The following SESN1 variants were observed in gnomAD, a reference collection of about 807,000 sequenced individuals.
SESN1 encodes the protein sestrin 1, also known as sestrin-1.
SESN1 carries 30 observed loss-of-function variants against 59.3 expected under a neutral mutation model. That is an observed-to-expected ratio of 0.51 (90% CI 0.38 to 0.69). The LOEUF (loss-of-function observed/expected upper bound fraction) is 0.69. Ranked by LOEUF, SESN1 falls within the 30% of genes least tolerant of loss-of-function variation. The pLI is 0.00. For missense variants in SESN1, 566 were observed against 673.0 expected, an observed-to-expected ratio of 0.84 and a Z score of 1.76; for synonymous variants, 197 against 219.9, an observed-to-expected ratio of 0.90 and a Z score of 0.92.
At chr6:109,040,261 A>T (rs1164432578) in intron 1 of SESN1, among the ~76,000 whole-genome samples, 1 of 152,176 alleles carries the variant, frequency 6.6e-6, no homozygotes. Flanking sequence ...CCTCTCCTTT[A>T]TATGACATTC....
Position 109,094,289 on chromosome 6 carries a change from CTTCT to C in SESN1, c.-220_-217del. 1 of 555,754 alleles carries C rather than the reference CTTCT, an allele frequency of 1.8e-6. No homozygotes were observed. Among genetic ancestry groups the C allele is most frequent in the Non-Finnish European group, 3.2e-6 (1 of 317,398 alleles). 34.4% of individuals were successfully genotyped at this position (555,754 alleles called of 1,614,324 possible). On this transcript the variant is annotated 5_prime_UTR_variant, in exon 1 of 10. Transcript: ENST00000436639. ...CTCTCCTTGTACACGAAAGGGCAGT[CTTCT>C]TTCTGGAAAAACAAAGTTTGAAAGT...
Position 108,987,277 on chromosome 6 carries a change from A to G in SESN1, c.*267T>C, listed in dbSNP as rs1178950566. On this transcript the variant is annotated 3_prime_UTR_variant, in exon 10 of 10. Coordinates refer to ENST00000436639, the MANE Select transcript of SESN1 (RefSeq NM_014454.3). ...TGGAGAGTTACTATTTGCTGTATTA[A>G]AACAGTTACACAGCATCTTGTACTG... 3.0e-6 allele frequency: 1 copy of G among 338,622 alleles called. No individual in the cohort carries two copies. The highest frequency in any genetic ancestry group is 4.6e-5 in the East Asian group (1 of 21,616). The allele number at this position is 338,622 out of a possible 1,614,324, so 21.0% of individuals were successfully genotyped here. A position where few individuals can be genotyped will look rare whatever the true frequency, so the allele number is the denominator to read the frequency against.
chr6:109,036,979 A>G (rs910210929), intron 1 of SESN1, among the ~76,000 whole-genome samples: 2 of 152,236 alleles, frequency 1.3e-5, no homozygotes, highest in African/African-American at 4.8e-5. Context: ...TCAGCACCTC[A>G]GTTAGGAAAC....
chr6:109,030,386 C>A (rs1486573624), intron 1 of SESN1, among the ~76,000 whole-genome samples: 1 of 152,130 alleles, frequency 6.6e-6, no homozygotes, highest in Non-Finnish European at 1.5e-5. Flanking sequence ...GTGTAGATTG[C>A]TAGTAGTAAG....
At chr6:109,054,634 A>T (rs1780599468) in intron 1 of SESN1, among the ~76,000 whole-genome samples, 1 of 152,172 alleles carries the variant, frequency 6.6e-6, no homozygotes, top group South Asian at 2.1e-4. Flanking sequence ...CTCTCAAAAA[A>T]TTTCTTCTGT....
At chr6:109,019,210 C>A (rs1260951689) in intron 1 of SESN1, among the ~76,000 whole-genome samples, 5 of 152,160 alleles carry the variant, frequency 3.3e-5, no homozygotes, top group Admixed American at 2.6e-4. Context: ...CACAAACACA[C>A]ACACAGACAC....
In SESN1 at chr6:109,094,233, G is replaced by T; in HGVS notation, c.-160C>A. On this transcript the variant is annotated 5_prime_UTR_variant, in exon 1 of 10. The change creates a new upstream start codon in the 5' untranslated region. Coordinates refer to ENST00000436639, the MANE Select transcript of SESN1 (RefSeq NM_014454.3). ...ACATTTGGAACCACTGGTGCCTTCAGCCGATCTACAAGCTAGGTCACCCTC... is the reference window on the plus strand; with the variant it reads ...ACATTTGGAACCACTGGTGCCTTCATCCGATCTACAAGCTAGGTCACCCTC... The T allele has an allele frequency of 1.4e-6, 1 of 723,670 alleles. No individual in the cohort carries two copies. Among genetic ancestry groups the T allele is most frequent in the South Asian group, 1.9e-5 (1 of 53,130 alleles). 44.8% of individuals were successfully genotyped at this position (723,670 alleles called of 1,614,324 possible). A position where few individuals can be genotyped will look rare whatever the true frequency, so the allele number is the denominator to read the frequency against.
At position 108,985,099 on chromosome 6, in the gene SESN1, C is replaced by T. The variant is rs1348635558; in HGVS notation, c.*2445G>A. 6.6e-6 allele frequency among the ~76,000 whole-genome samples: 1 copy of T among 152,130 alleles called. No homozygotes were observed. Among genetic ancestry groups the T allele is most frequent in the African/African-American group, 2.4e-5 (1 of 41,414 alleles). On this transcript the variant is annotated 3_prime_UTR_variant, in exon 10 of 10. Transcript: ENST00000436639. ...ATATACAAATATGCTAGTAACATTTCTGATTCATGTATGATATTCACATAT... is the reference window on the plus strand; with the variant it reads ...ATATACAAATATGCTAGTAACATTTTTGATTCATGTATGATATTCACATAT...
At chr6:109,006,825 G>T (rs748712733) in intron 1 of SESN1, among the ~76,000 whole-genome samples, 1 of 152,164 alleles carries the variant, frequency 6.6e-6, no homozygotes. Context: ...TCAATGGGGT[G>T]ATCATAAGCC....
At chr6:109,013,889 G>A (rs1401457617) in intron 1 of SESN1, among the ~76,000 whole-genome samples, 2 of 151,922 alleles carry the variant, frequency 1.3e-5, no homozygotes, top group Non-Finnish European at 2.9e-5. Flanking sequence ...ATATCTTCCT[G>A]TTTTTATCTA....
intron 8 of SESN1, among the ~76,000 whole-genome samples, chr6:108,989,295 G>A (rs1208019224): frequency 6.6e-6 from 1 of 152,106 alleles, no homozygotes. Context: ...GAGCCACCGC[G>A]CCTGGCTGAA....
rs1779172218 is a variant in SESN1, at chr6:108,985,911, C to T, written c.*1633G>A. ...GAAGATAATAATACTCTATTCCTAG[C>T]TAAGGTTATAGTCTTGTCTTCTCAT... On this transcript the variant is annotated 3_prime_UTR_variant, in exon 10 of 10. Transcript: ENST00000436639. Among the ~76,000 whole-genome samples, 1 of 152,134 alleles carries T rather than the reference C, an allele frequency of 6.6e-6. No individual in the cohort carries two copies. The highest frequency in any genetic ancestry group is 1.5e-5 in the Non-Finnish European group (1 of 68,022).
At chr6:108,990,954 C>T (rs1779365205) in intron 7 of SESN1, 119 bp from the exon 8 acceptor site, 1 of 765,092 alleles carries the variant, frequency 1.3e-6, no homozygotes, top group African/African-American at 1.8e-5. Flanking sequence ...TGGCTTTTAT[C>T]CCTAACTCCC....
chr6:109,044,135 G>T (rs760584501), intron 1 of SESN1, among the ~76,000 whole-genome samples: 10 of 151,314 alleles, frequency 6.6e-5, no homozygotes, highest in Non-Finnish European at 1.3e-4. Context: ...AGCAACACAG[G>T]GAGACTCCAC....
chr6:109,070,690 T>TA (rs768356585), intron 1 of SESN1, among the ~76,000 whole-genome samples: 1 of 152,240 alleles, frequency 6.6e-6, no homozygotes, highest in African/African-American at 2.4e-5. Flanking sequence ...TCTGAAAATG[T>TA]AATCTCCAAC....
At chr6:108,997,616 T>C (rs1779525552) in intron 5 of SESN1, among the ~76,000 whole-genome samples, 1 of 152,192 alleles carries the variant, frequency 6.6e-6, no homozygotes, top group Non-Finnish European at 1.5e-5. Flanking sequence ...ACAATAACTT[T>C]GTGTTTTACT....
intron 8 of SESN1, 77 bp from the exon 9 acceptor site, chr6:108,988,764 A>G (rs1353582791): frequency 8.5e-7 from 1 of 1,170,582 alleles, no homozygotes; most frequent in Non-Finnish European, 1.2e-6. Context: ...ATACACATCA[A>G]TAGTTAATAC....
intron 1 of SESN1, among the ~76,000 whole-genome samples, chr6:109,074,434 T>C (rs1220192075): frequency 6.6e-6 from 1 of 152,208 alleles, no homozygotes; most frequent in East Asian, 1.9e-4. Flanking sequence ...TCAAGAGCTT[T>C]CTCTGTCATT....
intron 1 of SESN1, among the ~76,000 whole-genome samples, chr6:109,059,887 G>A (rs1780703034): frequency 2.0e-5 from 3 of 152,052 alleles, no homozygotes; most frequent in South Asian, 4.2e-4. Context: ...TCCACTCACA[G>A]GAAGACAGGC....
Sources: gnomAD v4.1 joint callset for allele counts (sites outside exome capture counted in the v4.1 genomes callset) on GRCh38, gnomAD v4.1.1 for gene constraint, MANE v1.5 for transcripts, NCBI Gene and HGNC (gene_info 2026-07-23, HGNC 2026-07-21) for gene names.